TBCA: variants seen among roughly 807,000 people sequenced by gnomAD.
TBCA encodes the protein tubulin folding cofactor A.
Under a neutral mutation model 15.8 loss-of-function variants are expected in TBCA, and 6 were observed. The observed-to-expected ratio is 0.38, with a 90% confidence interval of 0.21 to 0.75. TBCA has a LOEUF of 0.75. Ranked by LOEUF, TBCA falls within the 30% of genes least tolerant of loss-of-function variation. The pLI, the probability that TBCA is intolerant of heterozygous loss-of-function variation, is 0.46. For synonymous variants in TBCA, 32 were observed against 42.3 expected (o/e 0.76, Z 0.94); for missense variants, 90 against 131.2 (o/e 0.69, Z 1.53).
intron 1 of TBCA, among the ~76,000 whole-genome samples, chr5:77,741,223 G>A (rs190026687): frequency 5.9e-5 from 9 of 152,272 alleles, no homozygotes; most frequent in Non-Finnish European, 1.3e-4. Context: ...GTGTGGTTCC[G>A]AGAGAGAGAA....
intron 1 of TBCA, among the ~76,000 whole-genome samples, chr5:77,731,262 A>G (rs893049709): frequency 5.3e-5 from 8 of 152,116 alleles, no homozygotes; most frequent in African/African-American, 1.7e-4. Flanking sequence ...GCTTATTTGC[A>G]TTTCTTTGAT....
chr5:77,761,483 G>A (rs543907545), intron 1 of TBCA, among the ~76,000 whole-genome samples: 11 of 152,064 alleles, frequency 7.2e-5, no homozygotes, highest in African/African-American at 2.4e-4. Flanking sequence ...CAAGTACCCA[G>A]GGACACAAAC....
At chr5:77,722,748 T>C (rs920385087) in intron 1 of TBCA, among the ~76,000 whole-genome samples, 1 of 151,950 alleles carries the variant, frequency 6.6e-6, no homozygotes, top group African/African-American at 2.4e-5. Flanking sequence ...CTTTAGTGAC[T>C]GATAAATTTG....
intron 1 of TBCA, among the ~76,000 whole-genome samples, chr5:77,727,193 C>T (rs1049069403): frequency 2.9e-4 from 42 of 146,894 alleles, no homozygotes; most frequent in African/African-American, 1.0e-3. Context: ...GCCAAGATCA[C>T]GCCACAGCAC....
chr5:77,752,231 C>G (rs1276844281), intron 1 of TBCA, among the ~76,000 whole-genome samples: 3 of 152,118 alleles, frequency 2.0e-5, no homozygotes, highest in Non-Finnish European at 4.4e-5. Context: ...TACATTATAC[C>G]ATATGGTTTA....
intron 1 of TBCA, among the ~76,000 whole-genome samples, chr5:77,745,174 G>A (rs1747158106): frequency 6.6e-6 from 1 of 152,104 alleles, no homozygotes; most frequent in African/African-American, 2.4e-5. Flanking sequence ...GAAAAAGAAA[G>A]AAAAAGCTGG....
At chr5:77,769,601 T>C (rs1212341292) in intron 1 of TBCA, among the ~76,000 whole-genome samples, 2 of 152,050 alleles carry the variant, frequency 1.3e-5, no homozygotes, top group Non-Finnish European at 2.9e-5. Flanking sequence ...CATACACAGT[T>C]GTATATAGGA....
chr5:77,752,837 C>T (rs1185130518), intron 1 of TBCA, among the ~76,000 whole-genome samples: 3 of 47,918 alleles, frequency 6.3e-5, no homozygotes, highest in Non-Finnish European at 1.5e-4. Context: ...GGATTACAGG[C>T]GTGAGCCACC....
intron 1 of TBCA, among the ~76,000 whole-genome samples, chr5:77,738,012 A>C (rs1452622790): frequency 6.6e-6 from 1 of 152,228 alleles, no homozygotes; most frequent in Non-Finnish European, 1.5e-5. Flanking sequence ...CCTTACCAAC[A>C]AGAAAACCCC....
At chr5:77,696,374 G>A (rs1745871208) in intron 2 of TBCA, among the ~76,000 whole-genome samples, 2 of 152,094 alleles carry the variant, frequency 1.3e-5, no homozygotes, top group South Asian at 4.1e-4. Flanking sequence ...TATCTGACTT[G>A]TATTTTGTGG....
chr5:77,760,456 T>A (rs1291517726), intron 1 of TBCA, among the ~76,000 whole-genome samples: 2 of 152,044 alleles, frequency 1.3e-5, no homozygotes, highest in East Asian at 1.9e-4. Context: ...ACAGTCTCCC[T>A]CTGTTGCCAA....
rs951832384 is a variant in TBCA at position 77,693,037 on chromosome 5, T to G, written c.246+229A>C. 5.6e-6 allele frequency: 8 copies of G among 1,426,806 alleles called. No homozygotes were observed. In the African/African-American group the frequency reaches 7.2e-5, roughly 13 times the overall value. The allele number at this position is 1,426,806 out of a possible 1,614,324, so 88.4% of individuals were successfully genotyped here. Reference sequence around the variant, plus strand: ...CATAACTTAAATAAATTTAACTAGCTAAATTTTAATAAACTGAACAAACAT... The same window carrying G: ...CATAACTTAAATAAATTTAACTAGCGAAATTTTAATAAACTGAACAAACAT... On this transcript the variant is annotated intron_variant, in intron 3 of 3. Transcript: ENST00000380377.
At chr5:77,729,588 G>C (rs148651366) in intron 1 of TBCA, among the ~76,000 whole-genome samples, 2 of 152,148 alleles carry the variant, frequency 1.3e-5, no homozygotes, top group African/African-American at 4.8e-5. Context: ...TGCAATCTGC[G>C]TAAGATTGCT....
intron 1 of TBCA, among the ~76,000 whole-genome samples, chr5:77,720,922 G>C (rs570210800): frequency 4.9e-4 from 75 of 152,258 alleles, no homozygotes; most frequent in African/African-American, 1.6e-3. Context: ...GCAAACTAGA[G>C]TATTAGGAGA....
chr5:77,724,040 G>T (rs1265145215), intron 1 of TBCA, among the ~76,000 whole-genome samples: 1 of 151,882 alleles, frequency 6.6e-6, no homozygotes, highest in South Asian at 2.1e-4. Context: ...ATTTACAAAG[G>T]TACAACTTGT....
intron 1 of TBCA, among the ~76,000 whole-genome samples, chr5:77,717,096 A>T (rs1032521550): frequency 4.6e-5 from 7 of 152,242 alleles, no homozygotes; most frequent in Non-Finnish European, 8.8e-5. Context: ...AATCCTGCCT[A>T]AAAAGACAGG....
intron 1 of TBCA, among the ~76,000 whole-genome samples, chr5:77,773,821 G>A (rs370365438): frequency 6.6e-6 from 1 of 152,202 alleles, no homozygotes; most frequent in East Asian, 1.9e-4. Context: ...TTCTTTAGTA[G>A]ACATTGCTAC....
At chr5:77,737,550 C>T (rs1016002034) in intron 1 of TBCA, among the ~76,000 whole-genome samples, 16 of 152,174 alleles carry the variant, frequency 1.1e-4, no homozygotes, top group South Asian at 6.2e-4. Context: ...TAATGTAATA[C>T]TGAATAAGCT....
intron 1 of TBCA, among the ~76,000 whole-genome samples, chr5:77,734,894 A>C (rs1746862944): frequency 6.6e-6 from 1 of 152,238 alleles, no homozygotes; most frequent in Admixed American, 6.5e-5. Context: ...GCAGCCATCA[A>C]CGTTGAGGCA....
Sources: gnomAD v4.1 joint callset for allele counts (sites outside exome capture counted in the v4.1 genomes callset) on GRCh38, gnomAD v4.1.1 for gene constraint, MANE v1.5 for transcripts, NCBI Gene and HGNC (gene_info 2026-07-23, HGNC 2026-07-21) for gene names.